Variants in BCAS3 observed in about 807,000 individuals in gnomAD.
The protein encoded by BCAS3 is BCAS4/BCAS3 fusion.
A neutral mutation model predicts 116.1 loss-of-function variants in BCAS3; 53 were observed. That is an observed-to-expected ratio of 0.46 (90% CI 0.37 to 0.57). The LOEUF (loss-of-function observed/expected upper bound fraction) is 0.57. BCAS3 is among the 20% of genes least tolerant of loss of function. The probability of loss-of-function intolerance (pLI) is 0.00; values close to 1 mark genes in which losing one functional copy is unlikely to be tolerated. For synonymous variants in BCAS3, 391 were observed against 408.2 expected (o/e 0.96, Z 0.51); for missense variants, 917 against 1,165.4 (o/e 0.79, Z 3.10).
At position 61,228,598 on chromosome 17, in the gene BCAS3, ATTATT is replaced by A. The variant is rs2082495168; in HGVS notation, c.2426-139724_2426-139720del. Among the ~76,000 whole-genome samples, 2 of 152,228 alleles carry A rather than the reference ATTATT, an allele frequency of 1.3e-5. No homozygotes were observed. The highest frequency in any genetic ancestry group is 4.8e-5 in the African/African-American group (2 of 41,540). ...TCACCAGCTTTCAAACTTTTGCATT[ATTATT>A]TTATCTGTGGTCAGTGATCTTTGAC... is the stretch of plus-strand genomic sequence containing the variant. On this transcript the variant is annotated intron_variant, in intron 22 of 23. Coordinates refer to ENST00000407086, the MANE Select transcript of BCAS3 (RefSeq NM_017679.5). This position sits in a 1 kb window ranked among gnomAD's most constrained non-coding sequence, Gnocchi z 5.0.
chr17:61,071,647 C>T (rs2071438264), intron 19 of BCAS3, among the ~76,000 whole-genome samples: 1 of 152,140 alleles, frequency 6.6e-6, no homozygotes, highest in African/African-American at 2.4e-5. Context: ...TTCCATACTA[C>T]ATATTGTAAT....
intron 4 of BCAS3, among the ~76,000 whole-genome samples, chr17:60,708,324 CAAAA>C (rs1211925653): frequency 0.091 from 6,878 of 75,678 alleles, 442 homozygotes; most frequent in African/African-American, 0.19. Context: ...GATTCTGTCT[CAAAA>C]AAAAAAAAAA....
chr17:60,766,947 A>T (rs1042316669), intron 6 of BCAS3, among the ~76,000 whole-genome samples: 6 of 152,038 alleles, frequency 3.9e-5, no homozygotes, highest in Admixed American at 6.6e-5. Flanking sequence ...TTGCAGTTTG[A>T]TCTCGGACTG....
chr17:60,786,570 T>TAA (rs967348505), intron 6 of BCAS3, among the ~76,000 whole-genome samples: 13 of 148,100 alleles, frequency 8.8e-5, no homozygotes, highest in Non-Finnish European at 1.3e-4. Flanking sequence ...TATATATATA[T>TAA]AAAATGTGTC....
intron 7 of BCAS3, among the ~76,000 whole-genome samples, chr17:60,830,315 A>G (rs74598530): frequency 1.0e-3 from 152 of 152,224 alleles, no homozygotes; most frequent in Non-Finnish European, 1.6e-3. Flanking sequence ...GTGTTTCTTT[A>G]TGTTTGAGAA....
intron 7 of BCAS3, among the ~76,000 whole-genome samples, chr17:60,821,992 A>T (rs2050007907): frequency 6.6e-6 from 1 of 152,202 alleles, no homozygotes; most frequent in Non-Finnish European, 1.5e-5. Context: ...AGTTTACTAG[A>T]GTATGATTAT....
chr17:60,885,813 T>A (rs1465655790), intron 9 of BCAS3, among the ~76,000 whole-genome samples: 2 of 137,358 alleles, frequency 1.5e-5, no homozygotes, highest in African/African-American at 7.0e-5. Context: ...CCGAGAGATC[T>A]GCTGTTAGTC....
In BCAS3 at chr17:61,198,132, GTT is replaced by G. The variant is rs11311858; in HGVS notation, c.2425+113579_2425+113580del. On this transcript the variant is annotated intron_variant, in intron 22 of 23. Transcript: ENST00000407086. This position sits in a 1 kb window ranked among gnomAD's most constrained non-coding sequence, Gnocchi z 5.0. The stretch of plus-strand genomic sequence containing the variant: ...GCGATTAAGATAAAGTGCAAGATAT[GTT>G]TTTTTTTTTTCTTTTTTTTTTTTTG... 6.6e-3 allele frequency among the ~76,000 whole-genome samples: 945 copies of G among 143,646 alleles called. 12 individuals are homozygous for G. The highest frequency in any genetic ancestry group is 0.019 in the African/African-American group (740 of 39,350). The allele number at this position is 143,646 out of a possible 152,430, so 94.2% of individuals were successfully genotyped here. A position where few individuals can be genotyped will look rare whatever the true frequency, so the allele number is the denominator to read the frequency against.
intron 7 of BCAS3, among the ~76,000 whole-genome samples, chr17:60,833,821 C>A (rs1568347198): frequency 6.6e-6 from 1 of 152,108 alleles, no homozygotes; most frequent in Non-Finnish European, 1.5e-5. Flanking sequence ...TTTGACGCCC[C>A]TTCATTTTCC....
At chr17:61,160,015 C>G (rs74257549) in intron 22 of BCAS3, among the ~76,000 whole-genome samples, 2 of 149,348 alleles carry the variant, frequency 1.3e-5, no homozygotes, top group Non-Finnish European at 3.0e-5. Flanking sequence ...TTTGTAGTGA[C>G]AGTCTCGCTG....
intron 7 of BCAS3, chr17:60,851,642 T>G: frequency 1.4e-6 from 1 of 715,974 alleles, no homozygotes; most frequent in South Asian, 1.5e-5. Flanking sequence ...GAAAACAGGC[T>G]GAAAGAAACT....
chr17:61,001,481 T>C (rs745652896), intron 15 of BCAS3, among the ~76,000 whole-genome samples: 1 of 152,216 alleles, frequency 6.6e-6, no homozygotes, highest in Non-Finnish European at 1.5e-5. Flanking sequence ...TCAATGATAA[T>C]GTGATGTTTC....
chr17:60,780,921 C>T (rs957652596), intron 6 of BCAS3, among the ~76,000 whole-genome samples: 8 of 152,020 alleles, frequency 5.3e-5, no homozygotes, highest in African/African-American at 1.7e-4. Flanking sequence ...TAAATTTTGA[C>T]GCTTTAAAGT....
intron 4 of BCAS3, among the ~76,000 whole-genome samples, chr17:60,690,083 AAAT>A (rs1426312746): frequency 6.6e-6 from 1 of 152,220 alleles, no homozygotes; most frequent in Non-Finnish European, 1.5e-5. Flanking sequence ...TATAACTGCA[AAAT>A]AATCATTAGT....
intron 5 of BCAS3, among the ~76,000 whole-genome samples, chr17:60,715,061 A>G (rs1356223714): frequency 2.0e-5 from 3 of 152,056 alleles, no homozygotes; most frequent in Admixed American, 6.6e-5. Context: ...ATCTTTGTAT[A>G]TATTTTAAAA....
chr17:61,283,767 T>TA (rs72277620), intron 22 of BCAS3, among the ~76,000 whole-genome samples: 2 of 151,840 alleles, frequency 1.3e-5, no homozygotes, highest in African/African-American at 2.4e-5. Context: ...ATTGATTTTT[T>TA]AAAAAAAAAT....
intron 7 of BCAS3, among the ~76,000 whole-genome samples, chr17:60,866,012 GT>G (rs909897770): frequency 6.6e-6 from 1 of 151,954 alleles, no homozygotes; most frequent in African/African-American, 2.4e-5. Context: ...AATCATGGTA[GT>G]TTCCCCCCTT....
chr17:60,874,637 G>GTT, intron 8 of BCAS3, 25 bp from the exon 9 acceptor site: 7 of 1,542,338 alleles, frequency 4.5e-6, no homozygotes, highest in Admixed American at 1.7e-5. Flanking sequence ...TTTTCTTTCT[G>GTT]TTTTTTTTCT....
chr17:61,342,731 G>A (rs2057250914), intron 22 of BCAS3, among the ~76,000 whole-genome samples: 1 of 151,376 alleles, frequency 6.6e-6, no homozygotes, highest in Admixed American at 6.6e-5. Context: ...ATCATGTACT[G>A]TATGAAGAGA....
Sources: gnomAD v4.1 joint callset for allele counts (sites outside exome capture counted in the v4.1 genomes callset) on GRCh38, gnomAD v4.1.1 for gene constraint, Gnocchi (gnomAD v3.1) non-coding constraint, MANE v1.5 for transcripts, NCBI Gene and HGNC (gene_info 2026-07-23, HGNC 2026-07-21) for gene names.